LRRTM4: variants seen among roughly 807,000 people sequenced by gnomAD.
LRRTM4 encodes leucine rich repeat transmembrane neuronal 4.
LRRTM4 carries 25 observed loss-of-function variants against 47.6 expected under a neutral mutation model. The ratio of observed to expected loss-of-function variants is 0.53; its 90% CI spans 0.38 to 0.73. LRRTM4 has a LOEUF of 0.73. Among genes scored for constraint, LRRTM4 ranks in the 30% least tolerant of loss-of-function variants. The pLI is 0.00. For missense variants in LRRTM4, 638 were observed against 713.4 expected (o/e 0.89, Z 1.20); for synonymous variants, 311 against 269.5 (o/e 1.15, Z -1.51).
chr2:76,934,923 A>G (rs1028568540), intron 3 of LRRTM4, among the ~76,000 whole-genome samples: 1 of 152,102 alleles, frequency 6.6e-6, no homozygotes, highest in East Asian at 1.9e-4. Context: ...AAAACTTTGG[A>G]AAGTACTTAG....
rs1053255747 is a variant in LRRTM4, at chr2:77,174,798, C to T, written c.1551+343520G>A. Among the ~76,000 whole-genome samples the T allele has an allele frequency of 7.2e-5, 11 of 151,912 alleles. No homozygotes were observed. In the South Asian group the frequency reaches 8.3e-4, roughly 11 times the overall value. ...TCACCTAATGCTATCCCTCCCCCCT[C>T]GCCCCACCCCACAACAGGCCCTGGT... On this transcript the variant is annotated intron_variant, in intron 3 of 3. Transcript: ENST00000409884.
chr2:76,887,335 G>T (rs1228315489), intron 3 of LRRTM4, among the ~76,000 whole-genome samples: 2 of 151,030 alleles, frequency 1.3e-5, no homozygotes, highest in African/African-American at 4.9e-5. Context: ...AATTTTATTT[G>T]ACTTTTCCTA....
At chr2:77,408,130 T>A (rs1303798447) in intron 3 of LRRTM4, among the ~76,000 whole-genome samples, 2 of 152,164 alleles carry the variant, frequency 1.3e-5, no homozygotes, top group Non-Finnish European at 2.9e-5. Context: ...TTTTCCATTT[T>A]AAAAATCAGT....
intron 3 of LRRTM4, among the ~76,000 whole-genome samples, chr2:76,995,769 T>C (rs1003418943): frequency 3.9e-5 from 6 of 151,966 alleles, no homozygotes; most frequent in African/African-American, 1.2e-4. Context: ...CCAATATAAA[T>C]ATAAGATCCC....
chr2:76,772,124 G>C (rs953683276), intron 3 of LRRTM4, among the ~76,000 whole-genome samples: 6 of 152,100 alleles, frequency 3.9e-5, no homozygotes, highest in Non-Finnish European at 8.8e-5. Context: ...GAGGTAATTA[G>C]ATCATAAGAG....
intron 3 of LRRTM4, among the ~76,000 whole-genome samples, chr2:76,916,085 T>C (rs1409634856): frequency 6.6e-6 from 1 of 151,666 alleles, no homozygotes; most frequent in Non-Finnish European, 1.5e-5. Context: ...GAACAAAAAA[T>C]GACACACAGA....
intron 3 of LRRTM4, among the ~76,000 whole-genome samples, chr2:76,898,498 A>G (rs1257910369): frequency 2.0e-5 from 3 of 147,584 alleles, no homozygotes; most frequent in Non-Finnish European, 4.5e-5. Flanking sequence ...GGATGAGGTG[A>G]GCAGAGAATG....
chr2:76,942,890 T>C (rs1336544435), intron 3 of LRRTM4, among the ~76,000 whole-genome samples: 2 of 152,158 alleles, frequency 1.3e-5, no homozygotes. Flanking sequence ...AGGTAGGTAA[T>C]TGATACTGCC....
intron 3 of LRRTM4, among the ~76,000 whole-genome samples, chr2:77,133,225 G>C (rs1228727688): frequency 6.6e-6 from 1 of 152,178 alleles, no homozygotes; most frequent in Non-Finnish European, 1.5e-5. Context: ...ATCTACAACA[G>C]AGACATGCTA....
rs771537486 is a variant in LRRTM4 at position 77,336,164 on chromosome 2, AAAGG to A, written c.1551+182150_1551+182153del. Among the ~76,000 whole-genome samples the A allele has an allele frequency of 5.9e-4, 88 of 148,720 alleles. No homozygotes were observed. In the East Asian group the frequency reaches 6.0e-3, roughly 10 times the overall value. On this transcript the variant is annotated intron_variant, in intron 3 of 3. Transcript: ENST00000409884. The stretch of plus-strand genomic sequence containing the variant: ...ACAAAGAAGGAAGGAAGGGAGAAAG[AAAGG>A]AAGGAAGGAAGGAAGAAAGGAAAGA...
intron 3 of LRRTM4, among the ~76,000 whole-genome samples, chr2:76,785,185 A>AT (rs1219492130): frequency 6.6e-6 from 1 of 152,144 alleles, no homozygotes; most frequent in Admixed American, 6.6e-5. Context: ...GGCATTTGCA[A>AT]TTGAATAGTC....
intron 3 of LRRTM4, among the ~76,000 whole-genome samples, chr2:77,201,168 G>T (rs904030926): frequency 1.3e-5 from 2 of 152,064 alleles, no homozygotes; most frequent in African/African-American, 4.8e-5. Flanking sequence ...CAAAGGAAAA[G>T]AAAGAAATTA....
chr2:76,886,896 A>G (rs1257579581), intron 3 of LRRTM4, among the ~76,000 whole-genome samples: 3 of 152,044 alleles, frequency 2.0e-5, no homozygotes, highest in Non-Finnish European at 4.4e-5. Flanking sequence ...ATTGAGCACA[A>G]GACGACTATT....
Position 77,518,677 on chromosome 2 carries a change from T to C in LRRTM4, c.1192A>G (p.Thr398Ala), listed in dbSNP as rs1238142370. The change falls in exon 3 of 4, where the codon ACC becomes GCC. Residue 398 changes from threonine (T) to alanine (A), a missense_variant. Coordinates refer to ENST00000409884, the MANE Select transcript of LRRTM4 (RefSeq NM_001134745.3). ...GGGGAAGGGCTTGGTGTTTCAAAGG[T>C]GGATTGGGTGACGTCAGGTTTGAAG... is the stretch of plus-strand genomic sequence containing the variant. Reference protein sequence around the residue: ...TIFKPDVTQSTFETPSPSPGF... With the variant: ...TIFKPDVTQSAFETPSPSPGF... 5.6e-6 allele frequency: 9 copies of C among 1,613,340 alleles called. 1 individual carries two copies. The South Asian group carries it at 9.9e-5, about 18-fold the overall frequency.
At chr2:76,836,680 A>G (rs75589011) in intron 3 of LRRTM4, among the ~76,000 whole-genome samples, 2,508 of 152,214 alleles carry the variant, frequency 0.016, 79 homozygotes, top group African/African-American at 0.058. Context: ...ATAAAGGTTC[A>G]GAGATGTTAA....
intron 3 of LRRTM4, among the ~76,000 whole-genome samples, chr2:77,163,787 C>T (rs1430845711): frequency 6.6e-6 from 1 of 152,164 alleles, no homozygotes; most frequent in African/African-American, 2.4e-5. Context: ...CCAGGCTTGC[C>T]TTACAAGAGC....
chr2:77,328,271 T>C (rs1485488777), intron 3 of LRRTM4, among the ~76,000 whole-genome samples: 1 of 152,150 alleles, frequency 6.6e-6, no homozygotes, highest in African/African-American at 2.4e-5. Context: ...TCTAACTGAA[T>C]AATAGCTCTC....
At chr2:77,137,821 A>C (rs1156544986) in intron 3 of LRRTM4, among the ~76,000 whole-genome samples, 1 of 152,176 alleles carries the variant, frequency 6.6e-6, no homozygotes, top group African/African-American at 2.4e-5. Flanking sequence ...CAGGATTTGC[A>C]ATCCTAGTCT....
At chr2:77,046,191 C>T (rs1024270708) in intron 3 of LRRTM4, among the ~76,000 whole-genome samples, 1 of 151,856 alleles carries the variant, frequency 6.6e-6, no homozygotes, top group African/African-American at 2.4e-5. Flanking sequence ...CATAGGTGTT[C>T]CTATGTGTTT....
Sources: gnomAD v4.1 joint callset for allele counts (sites outside exome capture counted in the v4.1 genomes callset) on GRCh38, gnomAD v4.1.1 for gene constraint, MANE v1.5 for transcripts, NCBI Gene and HGNC (gene_info 2026-07-23, HGNC 2026-07-21) for gene names.